The following KDM4C variants were observed in gnomAD, a reference collection of about 807,000 sequenced individuals.
KDM4C encodes lysine demethylase 4C.
A neutral mutation model predicts 129.3 loss-of-function variants in KDM4C; 81 were observed. The observed-to-expected ratio is 0.63, with a 90% confidence interval of 0.52 to 0.75. The LOEUF (loss-of-function observed/expected upper bound fraction) is 0.75, where lower values mean the gene tolerates loss of function less well. Among genes scored for constraint, KDM4C ranks in the 30% least tolerant of loss-of-function variants. The probability of loss-of-function intolerance (pLI) is 0.00; values close to 1 mark genes in which losing one functional copy is unlikely to be tolerated. For missense variants in KDM4C, 1,457 were observed against 1,304.0 expected (o/e 1.12, Z -1.81); for synonymous variants, 573 against 456.1 (o/e 1.26, Z -3.26).
At chr9:6,763,557 T>G (rs981583086) in intron 1 of KDM4C, among the ~76,000 whole-genome samples, 1 of 151,818 alleles carries the variant, frequency 6.6e-6, no homozygotes, top group Non-Finnish European at 1.5e-5. Flanking sequence ...GTTAGTAACT[T>G]CTGGGTGATG....
intron 1 of KDM4C, among the ~76,000 whole-genome samples, chr9:6,784,429 A>T (rs926257752): frequency 3.3e-5 from 5 of 152,094 alleles, no homozygotes; most frequent in African/African-American, 1.2e-4. Flanking sequence ...ACAGGGTTTC[A>T]CCATGTTGGC....
chr9:7,148,054 GCATGCCAGCTGTTGTGGTGGGGTGGGC>G (rs1447785285), intron 19 of KDM4C, among the ~76,000 whole-genome samples: 17 of 152,254 alleles, frequency 1.1e-4, no homozygotes, highest in Non-Finnish European at 2.2e-4. Context: ...ACACAGCAAG[GCATGCCAGCTGTTGTGGTGGGGTGGGC>G]AGCTCCAGGT....
chr9:7,029,341 A>G (rs1407045598), intron 15 of KDM4C, among the ~76,000 whole-genome samples: 1 of 145,122 alleles, frequency 6.9e-6, no homozygotes, highest in Non-Finnish European at 1.5e-5. Context: ...AAGGCTAAGT[A>G]TTTCTGTGAA....
At chr9:6,745,651 T>C (rs139364967) in intron 1 of KDM4C, among the ~76,000 whole-genome samples, 1 of 152,086 alleles carries the variant, frequency 6.6e-6, no homozygotes, top group Non-Finnish European at 1.5e-5. Flanking sequence ...TTTATTTTAT[T>C]TTTTTGAGAC....
chr9:6,806,847 T>G (rs1476126398), intron 3 of KDM4C, among the ~76,000 whole-genome samples: 1 of 150,802 alleles, frequency 6.6e-6, no homozygotes, highest in African/African-American at 2.5e-5. Flanking sequence ...GTTTCAGAAG[T>G]GACACACTGT....
chr9:6,800,772 G>A (rs1001184025), intron 2 of KDM4C, among the ~76,000 whole-genome samples: 19 of 152,140 alleles, frequency 1.2e-4, no homozygotes, highest in South Asian at 8.3e-4. Context: ...GACTATAGGC[G>A]TGTGCCACCA....
intron 5 of KDM4C, among the ~76,000 whole-genome samples, chr9:6,856,524 A>ATC (rs1354072480): frequency 2.7e-5 from 4 of 145,914 alleles, no homozygotes; most frequent in African/African-American, 1.0e-4. Flanking sequence ...TTTTAGGCAT[A>ATC]TCTCTCTCTG....
At chr9:7,028,613 C>G (rs72703344) in intron 15 of KDM4C, among the ~76,000 whole-genome samples, 31,937 of 151,824 alleles carry the variant, frequency 0.21, 3,587 homozygotes, top group Middle Eastern at 0.24. Flanking sequence ...AGTTGAATGT[C>G]CAGTGGCTCT....
intron 8 of KDM4C, among the ~76,000 whole-genome samples, chr9:6,919,854 T>A (rs1279365077): frequency 5.3e-5 from 8 of 152,028 alleles, no homozygotes; most frequent in Admixed American, 5.2e-4. Context: ...GGATTATAGG[T>A]GTGAGCCACT....
At position 7,060,451 on chromosome 9, in the gene KDM4C, GTTGTTATTATTA is replaced by G. The variant is rs1462097519; in HGVS notation, c.2424+11254_2424+11265del. ...TCAGGGATGACTTTTTAGCAGTATT[GTTGTTATTATTA>G]TTATTATTATTATTATTATTATTAT... On this transcript the variant is annotated intron_variant, in intron 17 of 21. Transcript: ENST00000381309. Among the ~76,000 whole-genome samples, 1,052 of 138,272 alleles carry G rather than the reference GTTGTTATTATTA, an allele frequency of 7.6e-3. 5 individuals are homozygous for G. Among genetic ancestry groups the G allele is most frequent in the African/African-American group, 0.014 (537 of 38,740 alleles). 90.7% of individuals were successfully genotyped at this position (138,272 alleles called of 152,430 possible). A position where few individuals can be genotyped will look rare whatever the true frequency, so the allele number is the denominator to read the frequency against.
chr9:7,062,260 G>T (rs1564065451), intron 17 of KDM4C, among the ~76,000 whole-genome samples: 1 of 152,114 alleles, frequency 6.6e-6, no homozygotes, highest in Non-Finnish European at 1.5e-5. Context: ...GAACCACTGT[G>T]CCCGGCCACT....
rs1390119866 is a variant in KDM4C at position 7,134,592 on chromosome 9, C to G, written c.2781+6356C>G. Among the ~76,000 whole-genome samples, 40 of 152,176 alleles carry G rather than the reference C, an allele frequency of 2.6e-4. 1 individual carries two copies. Among genetic ancestry groups the G allele is most frequent in the Admixed American group, 2.6e-3 (40 of 15,282 alleles). On this transcript the variant is annotated intron_variant, in intron 19 of 21. Transcript: ENST00000381309. ...CAGACATTAGTTAGCTTGAATTCTCCTATTTCAGACATTTTCAAAAACAGT... is the reference window on the plus strand; with the variant it reads ...CAGACATTAGTTAGCTTGAATTCTCGTATTTCAGACATTTTCAAAAACAGT...
intron 15 of KDM4C, among the ~76,000 whole-genome samples, chr9:7,020,186 A>G (rs1292852633): frequency 6.6e-6 from 1 of 152,200 alleles, no homozygotes; most frequent in African/African-American, 2.4e-5. Context: ...TTGAGGAGAG[A>G]TTAGTTACAA....
intron 8 of KDM4C, among the ~76,000 whole-genome samples, chr9:6,899,646 T>G (rs866159686): frequency 6.6e-6 from 1 of 152,208 alleles, no homozygotes; most frequent in Middle Eastern, 3.4e-3. Flanking sequence ...TTAAGAGATA[T>G]GAAGAACATA....
At chr9:7,091,395 A>G (rs1407760549) in intron 17 of KDM4C, among the ~76,000 whole-genome samples, 1 of 152,196 alleles carries the variant, frequency 6.6e-6, no homozygotes, top group Non-Finnish European at 1.5e-5. Flanking sequence ...CTCCACTACT[A>G]TAGAATTTTT....
At chr9:7,027,827 CT>C (rs1452205878) in intron 15 of KDM4C, among the ~76,000 whole-genome samples, 18 of 152,216 alleles carry the variant, frequency 1.2e-4, no homozygotes, top group African/African-American at 3.6e-4. Context: ...TCTCACCTTT[CT>C]TTCCCATTTC....
chr9:6,748,161 G>A (rs1817941508), intron 1 of KDM4C, among the ~76,000 whole-genome samples: 1 of 123,796 alleles, frequency 8.1e-6, no homozygotes, highest in African/African-American at 3.6e-5. Context: ...GCAAGACTTG[G>A]TCTCAAAAAA....
intron 4 of KDM4C, among the ~76,000 whole-genome samples, chr9:6,828,003 G>A (rs988135405): frequency 6.6e-6 from 1 of 152,174 alleles, no homozygotes; most frequent in Non-Finnish European, 1.5e-5. Context: ...GTTTTCAGAG[G>A]GGTGTTGCCA....
Position 7,097,071 on chromosome 9 carries a change from C to G in KDM4C, c.2425-6614C>G, listed in dbSNP as rs550772361. On this transcript the variant is annotated intron_variant, in intron 17 of 21. Coordinates refer to ENST00000381309, the MANE Select transcript of KDM4C (RefSeq NM_015061.6). Reference sequence around the variant, plus strand: ...ACTTCCATCTAGAATGTTTTTCCTCCTTCTTCATCCCACTCCCACATGCAG... The same window carrying G: ...ACTTCCATCTAGAATGTTTTTCCTCGTTCTTCATCCCACTCCCACATGCAG... Among the ~76,000 whole-genome samples the G allele has an allele frequency of 1.2e-4, 19 of 152,266 alleles. No individual in the cohort carries two copies. In the East Asian group the frequency reaches 2.5e-3, roughly 20 times the overall value.
Sources: allele counts gnomAD v4.1 joint callset (sites outside exome capture counted in the v4.1 genomes callset), GRCh38; gene constraint gnomAD v4.1.1; transcripts MANE v1.5; gene names NCBI Gene and HGNC (gene_info 2026-07-23, HGNC 2026-07-21).